Variants in NLGN1 observed in about 807,000 individuals in gnomAD.
NLGN1 encodes neuroligin 1.
NLGN1 carries 12 observed loss-of-function variants against 65.5 expected under a neutral mutation model. The ratio of observed to expected loss-of-function variants is 0.18; its 90% CI spans 0.12 to 0.30. The LOEUF (loss-of-function observed/expected upper bound fraction) is 0.30, where lower values mean the gene tolerates loss of function less well. Among genes scored for constraint, NLGN1 ranks in the 10% least tolerant of loss-of-function variants. NLGN1 has a pLI of 1.00. For synonymous variants in NLGN1, 350 were observed against 359.5 expected (o/e 0.97, Z 0.30); for missense variants, 750 against 1,007.1 (o/e 0.74, Z 3.46).
At chr3:173,739,695 A>G (rs1359932470) in intron 3 of NLGN1, among the ~76,000 whole-genome samples, 1 of 152,142 alleles carries the variant, frequency 6.6e-6, no homozygotes, top group East Asian at 1.9e-4. Context: ...AAATGGCAAA[A>G]TATAAATGTC....
chr3:174,213,641 C>G (rs1224993460), intron 4 of NLGN1, among the ~76,000 whole-genome samples: 1 of 152,088 alleles, frequency 6.6e-6, no homozygotes, highest in South Asian at 2.1e-4. Flanking sequence ...TTCTTTTAGA[C>G]AATTTTTTAA....
chr3:173,921,029 A>G (rs1741903719), intron 4 of NLGN1, among the ~76,000 whole-genome samples: 1 of 151,750 alleles, frequency 6.6e-6, no homozygotes, highest in African/African-American at 2.4e-5. Flanking sequence ...TACTTATCCA[A>G]CTTACTTTTT....
chr3:174,183,688 ATG>A (rs756781801), intron 4 of NLGN1, among the ~76,000 whole-genome samples: 8 of 123,856 alleles, frequency 6.5e-5, no homozygotes, highest in Non-Finnish European at 1.2e-4. Context: ...GAGAACACAC[ATG>A]TGCACACATA....
At chr3:173,903,424 T>C (rs767400880) in intron 4 of NLGN1, among the ~76,000 whole-genome samples, 6 of 151,944 alleles carry the variant, frequency 3.9e-5, no homozygotes, top group Admixed American at 6.6e-5. Context: ...TGTTGAAGAG[T>C]TTTTGCATGG....
chr3:174,018,242 C>A (rs575824280), intron 4 of NLGN1, among the ~76,000 whole-genome samples: 29 of 152,166 alleles, frequency 1.9e-4, no homozygotes, highest in African/African-American at 6.5e-4. Flanking sequence ...GTTCTTTTTT[C>A]AAGGTGCCCA....
At chr3:173,742,505 T>A (rs1002545067) in intron 3 of NLGN1, among the ~76,000 whole-genome samples, 1 of 152,202 alleles carries the variant, frequency 6.6e-6, no homozygotes, top group Non-Finnish European at 1.5e-5. Context: ...GTAGCTTGTA[T>A]ATTCCCATGT....
chr3:173,763,999 A>G (rs1778388762), intron 3 of NLGN1, among the ~76,000 whole-genome samples: 2 of 152,184 alleles, frequency 1.3e-5, no homozygotes, highest in Non-Finnish European at 2.9e-5. Context: ...TATCTGAAGC[A>G]TTGCATTGAA....
Position 174,280,089 on chromosome 3 carries a change from G to A in NLGN1, c.1650-392G>A, listed in dbSNP as rs570841925. Among the ~76,000 whole-genome samples the A allele has an allele frequency of 6.6e-6, 1 of 152,106 alleles. No individual in the cohort carries two copies. Among genetic ancestry groups the A allele is most frequent in the African/African-American group, 2.4e-5 (1 of 41,544 alleles). On this transcript the variant is annotated intron_variant, in intron 6 of 6. Coordinates refer to ENST00000457714, the Ensembl canonical transcript of NLGN1. This position sits in a 1 kb window ranked among gnomAD's most constrained non-coding sequence, Gnocchi z 4.9. ...TGTCATAGAGATGTTCACATGTCTG[G>A]TATATAGCAGAGCCTAGGCTCAAAC...
chr3:173,853,294 C>A (rs1727334678), intron 4 of NLGN1, among the ~76,000 whole-genome samples: 1 of 152,150 alleles, frequency 6.6e-6, no homozygotes, highest in South Asian at 2.1e-4. Flanking sequence ...TGTGATGTTC[C>A]CATTGCTGAT....
At chr3:173,624,255 A>G (rs1181654967) in intron 3 of NLGN1, among the ~76,000 whole-genome samples, 1 of 152,170 alleles carries the variant, frequency 6.6e-6, no homozygotes, top group African/African-American at 2.4e-5. Context: ...TTCTAGGAAC[A>G]AAGGGAATTG....
chr3:173,972,416 G>T (rs1226550614), intron 4 of NLGN1, among the ~76,000 whole-genome samples: 2 of 152,090 alleles, frequency 1.3e-5, no homozygotes, highest in Non-Finnish European at 2.9e-5. Flanking sequence ...ATGCAAAGGC[G>T]CAGAAGAACA....
chr3:173,862,982 C>G (rs1354423047), intron 4 of NLGN1, among the ~76,000 whole-genome samples: 2 of 152,066 alleles, frequency 1.3e-5, no homozygotes, highest in Non-Finnish European at 2.9e-5. Flanking sequence ...TGTCAGAAAT[C>G]ACCTTAATAT....
At chr3:173,596,727 C>T (rs940628363) in intron 2 of NLGN1, among the ~76,000 whole-genome samples, 1 of 152,210 alleles carries the variant, frequency 6.6e-6, no homozygotes, top group African/African-American at 2.4e-5. Flanking sequence ...GTCCTAGCAT[C>T]CCTTGGAACT....
chr3:174,037,301 A>G (rs991077109), intron 4 of NLGN1, among the ~76,000 whole-genome samples: 4 of 152,122 alleles, frequency 2.6e-5, no homozygotes, highest in Non-Finnish European at 4.4e-5. Context: ...GTTTTAACCT[A>G]TAACTCACAT....
chr3:174,092,414 G>C (rs1300301685), intron 4 of NLGN1, among the ~76,000 whole-genome samples: 2 of 152,100 alleles, frequency 1.3e-5, no homozygotes, highest in African/African-American at 4.8e-5. Flanking sequence ...AAGATGAAAT[G>C]AGGATTTTGG....
chr3:174,032,264 A>C (rs2152474769), intron 4 of NLGN1, among the ~76,000 whole-genome samples: 1 of 152,340 alleles, frequency 6.6e-6, no homozygotes, highest in East Asian at 1.9e-4. Context: ...TTTCTAGTTT[A>C]ATGTGAAGGG....
chr3:173,451,665 C>G (rs941017088), intron 2 of NLGN1, among the ~76,000 whole-genome samples: 1 of 152,202 alleles, frequency 6.6e-6, no homozygotes, highest in African/African-American at 2.4e-5. Flanking sequence ...GAGGTGGAGT[C>G]TGCAGAGGCA....
intron 3 of NLGN1, among the ~76,000 whole-genome samples, chr3:173,736,973 A>G (rs1773875037): frequency 6.6e-6 from 1 of 152,064 alleles, no homozygotes; most frequent in African/African-American, 2.4e-5. Context: ...TGTTCTACTT[A>G]TTATTTCATT....
chr3:173,557,429 C>T (rs1025083093), intron 2 of NLGN1, among the ~76,000 whole-genome samples: 19 of 152,006 alleles, frequency 1.2e-4, no homozygotes, highest in Admixed American at 6.6e-4. Context: ...ATTATTTACT[C>T]CACTTACATT....
Sources: gnomAD v4.1 joint callset for allele counts (sites outside exome capture counted in the v4.1 genomes callset) on GRCh38, gnomAD v4.1.1 for gene constraint, Gnocchi (gnomAD v3.1) non-coding constraint, MANE v1.5 for transcripts, NCBI Gene and HGNC (gene_info 2026-07-23, HGNC 2026-07-21) for gene names.